Variants in HEATR5B observed in about 807,000 individuals in gnomAD.
The protein encoded by HEATR5B is HEAT repeat containing 5B.
HEATR5B carries 156 observed loss-of-function variants against 224.1 expected under a neutral mutation model. That is an observed-to-expected ratio of 0.70 (90% CI 0.61 to 0.80). The LOEUF is 0.80. Ranked by LOEUF, HEATR5B falls within the 30% of genes least tolerant of loss-of-function variation. The pLI is 0.00. For synonymous variants in HEATR5B, 1,027 were observed against 893.0 expected (o/e 1.15, Z -2.68); for missense variants, 2,323 against 2,535.5 (o/e 0.92, Z 1.80).
rs771286215 is a variant in HEATR5B, at chr2:37,013,893, C to T, written c.4232G>A (p.Arg1411Gln). The T allele has an allele frequency of 8.1e-6, 13 of 1,611,598 alleles. No homozygotes were observed. In the South Asian group the frequency reaches 1.1e-4, roughly 14 times the overall value. ...AGKGSSSQLY[R>Q]ESATTMEKLA... ...TTTTTCCATGGTCGTGGCACTCTCT[C>T]GGTACAGCTGGCTGGAAGATCCTTT... is the stretch of plus-strand genomic sequence containing the variant. The change falls in exon 27 of 36, where the codon CGA (arginine) becomes CAA (glutamine). Residue 1411 changes from arginine to glutamine, a missense_variant. This residue lies in a region of HEATR5B where 844 missense variants were observed against 812.9 expected (regional missense o/e 1.04). Transcript: ENST00000233099.
At chr2:37,047,690 A>G (rs990143309) in intron 18 of HEATR5B, among the ~76,000 whole-genome samples, 4 of 152,188 alleles carry the variant, frequency 2.6e-5, no homozygotes, top group African/African-American at 9.7e-5. Flanking sequence ...TTTCTGTCTT[A>G]ATGCTAAGTT....
intron 33 of HEATR5B, among the ~76,000 whole-genome samples, chr2:36,996,872 G>A (rs755390706): frequency 1.3e-5 from 2 of 152,244 alleles, no homozygotes; most frequent in East Asian, 1.9e-4. Flanking sequence ...GATTACAGGA[G>A]TGAGCCACTG....
rs746717016 is a variant in HEATR5B, at chr2:37,058,915, AT to A, written c.1921del (p.Ile641LeufsTer5). The A allele has an allele frequency of 1.2e-6, 2 of 1,609,930 alleles. No individual in the cohort carries two copies. Among genetic ancestry groups the A allele is most frequent in the Non-Finnish European group, 8.5e-7 (1 of 1,177,170 alleles). Reference protein sequence around the residue: ...EDVIRKLMTPIECAMTMMSHI... With the variant: ...EDVIRKLMTPXECAMTMMSHI... Reference sequence around the variant, plus strand: ...TGACATCATAGTCATGGCACATTCAATAGGGGTCATCAATTTTCGAATCACA... The same window carrying A: ...TGACATCATAGTCATGGCACATTCAAAGGGGTCATCAATTTTCGAATCACA... On this transcript the variant is annotated frameshift_variant, in exon 13 of 36. Coordinates refer to ENST00000233099, the MANE Select transcript of HEATR5B (RefSeq NM_019024.3). LOFTEE classifies it high-confidence loss of function.
At chr2:37,003,917 C>T (rs529786713) in intron 30 of HEATR5B, among the ~76,000 whole-genome samples, 2 of 152,216 alleles carry the variant, frequency 1.3e-5, no homozygotes, top group African/African-American at 4.8e-5. Context: ...TTTAAATGTG[C>T]TTTATATTCA....
Position 37,060,714 on chromosome 2 carries a change from G to A in HEATR5B, c.1716C>T (p.Tyr572=), listed in dbSNP as rs1558360797. 1.2e-6 allele frequency: 2 copies of A among 1,613,362 alleles called. No individual in the cohort carries two copies. Among genetic ancestry groups the A allele is most frequent in the Non-Finnish European group, 1.7e-6 (2 of 1,179,590 alleles). ...LMTLGPSVVR[Y]HLPKMLLLWR... is the part of the protein sequence containing the mutation. ...ACAATAACAACATCTTGGGCAGATG[G>A]TAACGAACGACAGATGGTCCTAGCC... is the stretch of plus-strand genomic sequence containing the variant. The change falls in exon 12 of 36, where the codon TAC becomes TAT. Residue 572 remains tyrosine, a synonymous_variant. Transcript: ENST00000233099.
intron 10 of HEATR5B, among the ~76,000 whole-genome samples, chr2:37,064,201 T>C (rs1276133578): frequency 6.6e-6 from 1 of 152,078 alleles, no homozygotes; most frequent in Non-Finnish European, 1.5e-5. Flanking sequence ...TCTTTGAATA[T>C]ATAGCAATGT....
chr2:37,037,145 G>GAGATAGATAGATATATATATAT, intron 21 of HEATR5B, among the ~76,000 whole-genome samples: 2 of 89,140 alleles, frequency 2.2e-5, no homozygotes, highest in African/African-American at 7.6e-5. Context: ...CTAAAAATGT[G>GAGATAGATAGATATATATATAT]ATATATATAT....
intron 25 of HEATR5B, 23 bp downstream of exon 25, chr2:37,020,632 C>A (rs781668914): frequency 2.7e-6 from 4 of 1,494,362 alleles, no homozygotes; most frequent in Non-Finnish European, 3.6e-6. Context: ...ATTTTAAGTT[C>A]TTAAATAAAT....
chr2:37,083,192 C>T (rs1672724014), intron 2 of HEATR5B, 97 bp downstream of exon 2: 4 of 1,388,784 alleles, frequency 2.9e-6, no homozygotes, highest in Non-Finnish European at 4.1e-6. Context: ...ATAAGTGACC[C>T]ATAAACCTTC....
At chr2:37,055,835 T>C (rs1420715864) in intron 16 of HEATR5B, among the ~76,000 whole-genome samples, 1 of 152,252 alleles carries the variant, frequency 6.6e-6, no homozygotes, top group Non-Finnish European at 1.5e-5. Flanking sequence ...TATTAATTCA[T>C]TTCTGTTTTC....
chr2:37,003,462 A>G, intron 31 of HEATR5B, 80 bp downstream of exon 31: 1 of 1,044,324 alleles, frequency 9.6e-7, no homozygotes, highest in South Asian at 1.6e-5. Flanking sequence ...AACTATAGAA[A>G]TATGTCCTGG....
intron 5 of HEATR5B, among the ~76,000 whole-genome samples, chr2:37,073,528 G>A (rs1027460183): frequency 2.0e-5 from 3 of 152,056 alleles, no homozygotes; most frequent in Admixed American, 6.5e-5. Context: ...ACAGGCATGA[G>A]CAACCACGCC....
chr2:37,056,468 C>A lies in HEATR5B; in HGVS notation c.2371G>T (p.Val791Leu). Residue 791 changes from valine (V) to leucine (L), a missense_variant, in exon 16 of 36, where the codon GTG becomes TTG. Coordinates refer to ENST00000233099, the MANE Select transcript of HEATR5B (RefSeq NM_019024.3). ...IDASVALFGV[V>L]FPHVSYKHRL... ...TGTTTATAAGAAACATGAGGAAACA[C>A]TACACCAAAAAGGGCCACAGAAGCA... The A allele has an allele frequency of 6.2e-7, 1 of 1,609,414 alleles. No individual in the cohort carries two copies. Among genetic ancestry groups the A allele is most frequent in the Non-Finnish European group, 8.5e-7 (1 of 1,178,262 alleles).
At chr2:37,069,649 T>C (rs991360027) in intron 7 of HEATR5B, among the ~76,000 whole-genome samples, 1 of 152,182 alleles carries the variant, frequency 6.6e-6, no homozygotes, top group African/African-American at 2.4e-5. Context: ...TTATATCTGA[T>C]TTTCTGTTAA....
Position 37,049,857 on chromosome 2 carries a change from A to G in HEATR5B, c.2506-14T>C. 1 of 1,474,696 alleles carries G rather than the reference A, an allele frequency of 6.8e-7. No individual in the cohort carries two copies. Among genetic ancestry groups the G allele is most frequent in the Non-Finnish European group, 9.0e-7 (1 of 1,109,936 alleles). 91.4% of individuals were successfully genotyped at this position (1,474,696 alleles called of 1,614,324 possible). On this transcript the variant is annotated splice_polypyrimidine_tract_variant and intron_variant, in intron 17 of 35. Transcript: ENST00000233099. ...TTCAGCTAAGCCCTACATTAAAAAA[A>G]AAAAAAAAAAAAAGACAGCAATTCA...
intron 4 of HEATR5B, 22 bp downstream of exon 4, chr2:37,076,889 T>C (rs1346992381): frequency 2.6e-6 from 4 of 1,518,980 alleles, no homozygotes; most frequent in Admixed American, 1.7e-5. Context: ...AATATTCAAA[T>C]AATATTGGTT....
At chr2:37,064,216 T>C (rs1026949850) in intron 10 of HEATR5B, among the ~76,000 whole-genome samples, 2 of 152,176 alleles carry the variant, frequency 1.3e-5, no homozygotes, top group African/African-American at 4.8e-5. Flanking sequence ...CAATGTGAAC[T>C]TTTATTTCTA....
At chr2:37,064,686 A>C in intron 10 of HEATR5B, 54 bp downstream of exon 10, 2 of 1,595,146 alleles carry the variant, frequency 1.3e-6, no homozygotes, top group Non-Finnish European at 1.7e-6. Flanking sequence ...CAGCGTTCCT[A>C]TAAAGACCAA....
chr2:36,982,532 G>A (rs887690704), intron 35 of HEATR5B, among the ~76,000 whole-genome samples: 5 of 152,124 alleles, frequency 3.3e-5, no homozygotes, highest in African/African-American at 1.2e-4. Context: ...ATCACATTGA[G>A]AATTACGCGT....
Sources: allele counts gnomAD v4.1 joint callset (sites outside exome capture counted in the v4.1 genomes callset), GRCh38; gene constraint gnomAD v4.1.1; regional missense constraint gnomAD v4.1.1; transcripts MANE v1.5; gene names NCBI Gene and HGNC (gene_info 2026-07-23, HGNC 2026-07-21).